Variants in AGPAT4 observed in about 807,000 individuals in gnomAD.
The protein encoded by AGPAT4 is 1-acyl-sn-glycerol-3-phosphate acyltransferase delta.
Under a neutral mutation model 48.0 loss-of-function variants are expected in AGPAT4, and 15 were observed. The ratio of observed to expected loss-of-function variants is 0.31; its 90% CI spans 0.21 to 0.48. AGPAT4 has a LOEUF of 0.48. Ranked by LOEUF, AGPAT4 falls within the 20% of genes least tolerant of loss-of-function variation. AGPAT4 has a pLI of 0.99. For synonymous variants in AGPAT4, 178 were observed against 198.7 expected, an observed-to-expected ratio of 0.90 and a Z score of 0.88; for missense variants, 314 against 482.5, an observed-to-expected ratio of 0.65 and a Z score of 3.27.
Position 161,242,928 on chromosome 6 carries a change from C to T in AGPAT4, c.-89-10626G>A, listed in dbSNP as rs959674586. 1.3e-5 allele frequency among the ~76,000 whole-genome samples: 2 copies of T among 151,948 alleles called. No homozygotes were observed. Among genetic ancestry groups the T allele is most frequent in the Admixed American group, 1.3e-4 (2 of 15,268 alleles). On this transcript the variant is annotated intron_variant, in intron 1 of 8. Transcript: ENST00000320285. The surrounding 1 kb of genome is among the most constrained non-coding windows in gnomAD (Gnocchi z 5.0). ...ACTAAGAACACAAAAATTAGCCGGG[C>T]GTGGTGGCACGTGCCTCCCAGCTAC...
intron 2 of AGPAT4, among the ~76,000 whole-genome samples, chr6:161,194,628 ATGTG>A (rs757267890): frequency 1.6e-5 from 2 of 121,938 alleles, no homozygotes; most frequent in African/African-American, 6.7e-5. Flanking sequence ...ACATGTGTGT[ATGTG>A]TATGTGTGTA....
intron 7 of AGPAT4, among the ~76,000 whole-genome samples, chr6:161,145,740 A>T (rs1779400964): frequency 6.6e-6 from 1 of 151,700 alleles, no homozygotes; most frequent in South Asian, 2.1e-4. Flanking sequence ...CATGAGAGCC[A>T]GCCCGCATTT....
rs60104618 is a variant in AGPAT4 at position 161,187,504 on chromosome 6, C to CATTTATTTATTT, written c.179-21099_179-21088dup. Among the ~76,000 whole-genome samples, 99 of 143,952 alleles carry CATTTATTTATTT rather than the reference C, an allele frequency of 6.9e-4. 2 individuals carry two copies. In the Middle Eastern group the frequency reaches 0.014, roughly 20 times the overall value. 94.4% of individuals were successfully genotyped at this position (143,952 alleles called of 152,430 possible). The stretch of plus-strand genomic sequence containing the variant: ...TTAAGGATGGTATGGTCCTGAAGCC[C>CATTTATTTATTT]ATTTATTTATTTATTTATTTATTTA... On this transcript the variant is annotated intron_variant, in intron 2 of 8. Transcript: ENST00000320285.
chr6:161,172,854 T>G (rs1780311694), intron 2 of AGPAT4, among the ~76,000 whole-genome samples: 1 of 151,494 alleles, frequency 6.6e-6, no homozygotes, highest in Non-Finnish European at 1.5e-5. Flanking sequence ...CCAAGTGTTC[T>G]CATTGTTCAA....
In AGPAT4 at chr6:161,215,982, A is replaced by T. The variant is rs1461445798; in HGVS notation, c.178+16054T>A. ...AAACCTCCTCTGCCCCTAGAGCTGG[A>T]AAGCTGTCCAGGCTCACACATACTT... On this transcript the variant is annotated intron_variant, in intron 2 of 8. Coordinates refer to ENST00000320285, the MANE Select transcript of AGPAT4 (RefSeq NM_020133.3). The surrounding 1 kb of genome is among the most constrained non-coding windows in gnomAD (Gnocchi z 4.5). Among the ~76,000 whole-genome samples the T allele has an allele frequency of 2.6e-5, 4 of 152,208 alleles. No homozygotes were observed. The highest frequency in any genetic ancestry group is 9.6e-5 in the African/African-American group (4 of 41,462).
In AGPAT4 at chr6:161,249,031, T is replaced by A. The variant is rs117721010; in HGVS notation, c.-89-16729A>T. On this transcript the variant is annotated intron_variant, in intron 1 of 8. Transcript: ENST00000320285. The surrounding 1 kb of genome is among the most constrained non-coding windows in gnomAD (Gnocchi z 6.2). ...AGGCCACACACCTACAACTATCTTA[T>A]CTTCAACAAAGCTGACAAAAACAAG... Among the ~76,000 whole-genome samples, 1 of 152,148 alleles carries A rather than the reference T, an allele frequency of 6.6e-6. No individual in the cohort carries two copies.
At chr6:161,209,600 T>A (rs778656410) in intron 2 of AGPAT4, among the ~76,000 whole-genome samples, 1 of 152,104 alleles carries the variant, frequency 6.6e-6, no homozygotes, top group Non-Finnish European at 1.5e-5. Flanking sequence ...GTTCATAGCA[T>A]GTTCATAGCA....
At position 161,133,397 on chromosome 6, in the gene AGPAT4, C is replaced by T. The variant is rs1027277716; in HGVS notation, c.*3143G>A. 1 of 152,128 alleles carries T rather than the reference C, an allele frequency of 6.6e-6. No homozygotes were observed. The highest frequency in any genetic ancestry group is 1.5e-5 in the Non-Finnish European group (1 of 68,022). 9.4% of individuals were successfully genotyped at this position (152,128 alleles called of 1,614,324 possible). On this transcript the variant is annotated 3_prime_UTR_variant, in exon 9 of 9. Coordinates refer to ENST00000320285, the MANE Select transcript of AGPAT4 (RefSeq NM_020133.3). ...GCATTTGTTTAGAGGATATTGCAGT[C>T]GAGATATTCCAGTACTACTGTGTGA...
rs1381091992 is a variant in AGPAT4 at position 161,238,423 on chromosome 6, C to T, written c.-89-6121G>A. ...ATGACTTCGTCTCTCCTGGGAAAGC[C>T]AATGAGATGGTCGTCAACTCAGTTT... On this transcript the variant is annotated intron_variant, in intron 1 of 8. Transcript: ENST00000320285. This position sits in a 1 kb window ranked among gnomAD's most constrained non-coding sequence, Gnocchi z 5.2. Among the ~76,000 whole-genome samples the T allele has an allele frequency of 6.6e-6, 1 of 152,144 alleles. No individual in the cohort carries two copies. The highest frequency in any genetic ancestry group is 1.5e-5 in the Non-Finnish European group (1 of 68,010).
At chr6:161,179,709 G>C (rs983470265) in intron 2 of AGPAT4, among the ~76,000 whole-genome samples, 1 of 152,014 alleles carries the variant, frequency 6.6e-6, no homozygotes, top group African/African-American at 2.4e-5. Context: ...AGACAACAAG[G>C]ATGAAGACCT....
At position 161,242,712 on chromosome 6, in the gene AGPAT4, A is replaced by G. The variant is rs888877166; in HGVS notation, c.-89-10410T>C. Among the ~76,000 whole-genome samples the G allele has an allele frequency of 7.2e-5, 11 of 152,192 alleles. No individual in the cohort carries two copies. Among genetic ancestry groups the G allele is most frequent in the Non-Finnish European group, 1.3e-4 (9 of 68,036 alleles). On this transcript the variant is annotated intron_variant, in intron 1 of 8. Transcript: ENST00000320285. This position sits in a 1 kb window ranked among gnomAD's most constrained non-coding sequence, Gnocchi z 5.0. The stretch of plus-strand genomic sequence containing the variant: ...TGAAAAATCCAATATGATAAATCCA[A>G]ACAGAAATGAAAAAAATTAATCTTC...
At chr6:161,168,582 C>G (rs1780176005) in intron 2 of AGPAT4, among the ~76,000 whole-genome samples, 1 of 152,064 alleles carries the variant, frequency 6.6e-6, no homozygotes, top group Non-Finnish European at 1.5e-5. Context: ...AGCCTCGACT[C>G]CAAGACTCAG....
intron 3 of AGPAT4, among the ~76,000 whole-genome samples, chr6:161,156,388 C>T (rs1368556729): frequency 6.6e-6 from 1 of 152,148 alleles, no homozygotes; most frequent in Non-Finnish European, 1.5e-5. Flanking sequence ...CGCTGTGGTC[C>T]ACAAAACCTA....
rs538719717 is a variant in AGPAT4, at chr6:161,158,337, A to C, written c.349-4027T>G. On this transcript the variant is annotated intron_variant, in intron 3 of 8. Coordinates refer to ENST00000320285, the MANE Select transcript of AGPAT4 (RefSeq NM_020133.3). This position sits in a 1 kb window ranked among gnomAD's most constrained non-coding sequence, Gnocchi z 5.3. ...CAACAGCTTTCAGAGAGAATGTACA[A>C]GAAAATATACTAATTTCATCAATTC... 1.3e-4 allele frequency among the ~76,000 whole-genome samples: 20 copies of C among 152,238 alleles called. No homozygotes were observed. The highest frequency in any genetic ancestry group is 2.2e-4 in the Non-Finnish European group (15 of 68,046).
chr6:161,154,614 A>T lies in AGPAT4; in HGVS notation c.349-304T>A, dbSNP rs1779713633. Among the ~76,000 whole-genome samples, 1 of 152,068 alleles carries T rather than the reference A, an allele frequency of 6.6e-6. No individual in the cohort carries two copies. Among genetic ancestry groups the T allele is most frequent in the Non-Finnish European group, 1.5e-5 (1 of 68,004 alleles). Reference sequence around the variant, plus strand: ...GTCACAGGTATTCAGGGTCCTGACGATGCTCCCACCACCATCCAAACGGTT... The same window carrying T: ...GTCACAGGTATTCAGGGTCCTGACGTTGCTCCCACCACCATCCAAACGGTT... On this transcript the variant is annotated intron_variant, in intron 3 of 8. Transcript: ENST00000320285. The surrounding 1 kb of genome is among the most constrained non-coding windows in gnomAD (Gnocchi z 7.8).
rs994622766 is a variant in AGPAT4, at chr6:161,224,657, A to G, written c.178+7379T>C. The stretch of plus-strand genomic sequence containing the variant: ...CTCCTTCTCAAAAAAAAAAAAAAAA[A>G]AAAGAAAGAAAACCAGACTGCAAGC... On this transcript the variant is annotated intron_variant, in intron 2 of 8. Coordinates refer to ENST00000320285, the MANE Select transcript of AGPAT4 (RefSeq NM_020133.3). Among the ~76,000 whole-genome samples, 447 of 151,454 alleles carry G rather than the reference A, an allele frequency of 3.0e-3. 2 individuals carry two copies. The highest frequency in any genetic ancestry group is 4.3e-3 in the Non-Finnish European group (289 of 67,786).
intron 2 of AGPAT4, among the ~76,000 whole-genome samples, chr6:161,173,258 C>A (rs558279183): frequency 6.6e-5 from 10 of 152,322 alleles, no homozygotes; most frequent in Non-Finnish European, 1.2e-4. Flanking sequence ...ACAGTCCCAT[C>A]AACAGTGTAA....
Position 161,137,865 on chromosome 6 carries a change from CCT to C in AGPAT4, c.1043-1233_1043-1232del, listed in dbSNP as rs1296233002. Among the ~76,000 whole-genome samples, 4 of 151,508 alleles carry C rather than the reference CCT, an allele frequency of 2.6e-5. No homozygotes were observed. Among genetic ancestry groups the C allele is most frequent in the Admixed American group, 6.6e-5 (1 of 15,216 alleles). On this transcript the variant is annotated intron_variant, in intron 8 of 8. Coordinates refer to ENST00000320285, the MANE Select transcript of AGPAT4 (RefSeq NM_020133.3). This position sits in a 1 kb window ranked among gnomAD's most constrained non-coding sequence, Gnocchi z 6.1. ...ACCCCTCAGATGCTCCTGAAGACTC[CCT>C]GTGTCCATACTGCACCCCTCAGATG... is the stretch of plus-strand genomic sequence containing the variant.
rs942884027 is a variant in AGPAT4 at position 161,208,053 on chromosome 6, C to T, written c.178+23983G>A. On this transcript the variant is annotated intron_variant, in intron 2 of 8. Coordinates refer to ENST00000320285, the MANE Select transcript of AGPAT4 (RefSeq NM_020133.3). This position sits in a 1 kb window ranked among gnomAD's most constrained non-coding sequence, Gnocchi z 4.6. ...TGAGAGAGATGGTAATAACCCTTTC[C>T]TAGGCTTCATTATTAATATTTCCTC... Among the ~76,000 whole-genome samples, 5 of 152,068 alleles carry T rather than the reference C, an allele frequency of 3.3e-5. No homozygotes were observed. The highest frequency in any genetic ancestry group is 1.2e-4 in the African/African-American group (5 of 41,402).
Sources: allele counts gnomAD v4.1 joint callset (sites outside exome capture counted in the v4.1 genomes callset), GRCh38; gene constraint gnomAD v4.1.1; non-coding constraint Gnocchi (gnomAD v3.1); transcripts MANE v1.5; gene names NCBI Gene and HGNC (gene_info 2026-07-23, HGNC 2026-07-21).